SPOCK3: variants seen among roughly 807,000 people sequenced by gnomAD.
SPOCK3 encodes the protein testican-3.
Under a neutral mutation model 56.6 loss-of-function variants are expected in SPOCK3, and 30 were observed. That is an observed-to-expected ratio of 0.53 (90% CI 0.40 to 0.72). The LOEUF (loss-of-function observed/expected upper bound fraction) is 0.72, where lower values mean the gene tolerates loss of function less well. Ranked by LOEUF, SPOCK3 falls within the 30% of genes least tolerant of loss-of-function variation. SPOCK3 has a pLI of 0.00. For missense variants in SPOCK3, 527 were observed against 530.0 expected, an observed-to-expected ratio of 0.99 and a Z score of 0.06; for synonymous variants, 196 against 183.3, an observed-to-expected ratio of 1.07 and a Z score of -0.56.
At chr4:167,079,652 T>C (rs1222424982) in intron 2 of SPOCK3, among the ~76,000 whole-genome samples, 6 of 152,032 alleles carry the variant, frequency 3.9e-5, no homozygotes, top group African/African-American at 1.4e-4. Flanking sequence ...TGTGAATGTG[T>C]GATTAATAAT....
chr4:167,031,232 A>G (rs891524378), intron 3 of SPOCK3, among the ~76,000 whole-genome samples: 9 of 152,054 alleles, frequency 5.9e-5, no homozygotes, highest in Non-Finnish European at 1.0e-4. Flanking sequence ...GAGGTATGAA[A>G]TAAGACAAGG....
At chr4:166,792,385 G>A (rs1377467639) in intron 6 of SPOCK3, 96 bp from the exon 7 acceptor site, 6 of 1,331,906 alleles carry the variant, frequency 4.5e-6, no homozygotes, top group Admixed American at 2.2e-5. Flanking sequence ...AGGTAAGAAC[G>A]ACTAAAAGAA....
chr4:167,065,367 A>G (rs1756029209), intron 2 of SPOCK3, among the ~76,000 whole-genome samples: 1 of 151,874 alleles, frequency 6.6e-6, no homozygotes, highest in Non-Finnish European at 1.5e-5. Context: ...ATGAGCAGGA[A>G]TTAGGGGAAT....
chr4:166,754,425 T>A, intron 8 of SPOCK3, 83 bp downstream of exon 8: 1 of 1,500,128 alleles, frequency 6.7e-7, no homozygotes, highest in Non-Finnish European at 8.9e-7. Context: ...ATGAGCATAG[T>A]GTACTGTTTT....
intron 2 of SPOCK3, among the ~76,000 whole-genome samples, chr4:167,176,993 C>T (rs747381606): frequency 1.2e-4 from 18 of 152,114 alleles, no homozygotes; most frequent in African/African-American, 4.3e-4. Context: ...AGATGACAGA[C>T]AGGGCTATTT....
intron 4 of SPOCK3, among the ~76,000 whole-genome samples, chr4:166,960,030 G>A (rs1483476931): frequency 6.6e-6 from 1 of 152,044 alleles, no homozygotes; most frequent in Non-Finnish European, 1.5e-5. Context: ...TACCCCTAGA[G>A]TATAAACCTA....
At chr4:166,848,718 A>G (rs530548046) in intron 6 of SPOCK3, among the ~76,000 whole-genome samples, 3 of 152,278 alleles carry the variant, frequency 2.0e-5, no homozygotes, top group South Asian at 2.1e-4. Flanking sequence ...GCAGGTGATC[A>G]CTGATAAGAT....
intron 8 of SPOCK3, among the ~76,000 whole-genome samples, chr4:166,749,619 T>C (rs181293717): frequency 6.6e-6 from 1 of 152,124 alleles, no homozygotes; most frequent in East Asian, 1.9e-4. Flanking sequence ...ACATGTACCC[T>C]AGAACTTAAA....
chr4:166,774,276 G>A (rs1739282379), intron 7 of SPOCK3, among the ~76,000 whole-genome samples: 1 of 152,116 alleles, frequency 6.6e-6, no homozygotes, highest in Non-Finnish European at 1.5e-5. Context: ...AGTGGACAGG[G>A]AGTTTCTTAC....
At chr4:167,067,494 AT>A (rs1199880159) in intron 2 of SPOCK3, among the ~76,000 whole-genome samples, 1 of 151,852 alleles carries the variant, frequency 6.6e-6, no homozygotes, top group African/African-American at 2.4e-5. Context: ...CTATGCCCAT[AT>A]TCTAAGCAAA....
intron 6 of SPOCK3, among the ~76,000 whole-genome samples, chr4:166,867,604 TATTAA>T (rs1464851063): frequency 1.3e-5 from 2 of 150,808 alleles, no homozygotes; most frequent in Non-Finnish European, 3.0e-5. Context: ...TAATGAATTA[TATTAA>T]ATAAGTAAAA....
chr4:166,853,384 A>G (rs867080315), intron 6 of SPOCK3, among the ~76,000 whole-genome samples: 1 of 152,252 alleles, frequency 6.6e-6, no homozygotes, highest in Admixed American at 6.5e-5. Flanking sequence ...TAAGCAGCGT[A>G]AAATTTTTCC....
intron 6 of SPOCK3, among the ~76,000 whole-genome samples, chr4:166,858,674 C>A (rs527468956): frequency 6.6e-6 from 1 of 152,028 alleles, no homozygotes; most frequent in Admixed American, 6.6e-5. Context: ...GAATGGAGAT[C>A]ATTTACTAAA....
rs17052973 is a variant in SPOCK3 at position 167,118,985 on chromosome 4, A to C, written c.190-56448T>G. On this transcript the variant is annotated intron_variant, in intron 2 of 10. Coordinates refer to ENST00000357545, the MANE Select transcript of SPOCK3 (RefSeq NM_001040159.2). ...GACTCTCACTGTTCTCTCAGTGACC[A>C]ATCTCAGCCCTTCCAATTTATCTAC... 2.2e-3 allele frequency among the ~76,000 whole-genome samples: 328 copies of C among 152,220 alleles called. 4 individuals are homozygous for C. Among genetic ancestry groups the C allele is most frequent in the African/African-American group, 7.5e-3 (312 of 41,536 alleles).
At chr4:167,168,484 C>T (rs766221739) in intron 2 of SPOCK3, among the ~76,000 whole-genome samples, 7 of 151,992 alleles carry the variant, frequency 4.6e-5, no homozygotes, top group Non-Finnish European at 7.4e-5. Context: ...CAGATGGAGA[C>T]GAGGAACTTT....
chr4:167,115,023 A>G (rs991591390), intron 2 of SPOCK3, among the ~76,000 whole-genome samples: 2 of 152,138 alleles, frequency 1.3e-5, no homozygotes, highest in East Asian at 3.8e-4. Flanking sequence ...AATATGTTAA[A>G]TTTCACCAGG....
chr4:167,101,158 T>C (rs540571912), intron 2 of SPOCK3, among the ~76,000 whole-genome samples: 1 of 152,224 alleles, frequency 6.6e-6, no homozygotes, highest in South Asian at 2.1e-4. Context: ...ACATTCTTCC[T>C]GCAAAGGCCT....
At chr4:166,973,248 T>C (rs1187443422) in intron 4 of SPOCK3, among the ~76,000 whole-genome samples, 1 of 152,108 alleles carries the variant, frequency 6.6e-6, no homozygotes. Flanking sequence ...CCACCATGAT[T>C]GTAAGTTTTC....
chr4:167,045,372 G>A (rs886263580), intron 3 of SPOCK3, among the ~76,000 whole-genome samples: 1 of 152,018 alleles, frequency 6.6e-6, no homozygotes, highest in Non-Finnish European at 1.5e-5. Flanking sequence ...GGCACATTTA[G>A]ACTATTGGTA....
Sources: allele counts gnomAD v4.1 joint callset (sites outside exome capture counted in the v4.1 genomes callset), GRCh38; gene constraint gnomAD v4.1.1; transcripts MANE v1.5; gene names NCBI Gene and HGNC (gene_info 2026-07-23, HGNC 2026-07-21).